The following PTPRQ variants were observed in gnomAD, a reference collection of about 807,000 sequenced individuals.
The protein encoded by PTPRQ is protein tyrosine phosphatase receptor type Q.
PTPRQ carries 199 observed loss-of-function variants against 246.0 expected under a neutral mutation model. The ratio of observed to expected loss-of-function variants is 0.81; its 90% CI spans 0.72 to 0.91. The LOEUF (loss-of-function observed/expected upper bound fraction) is 0.91, where lower values mean the gene tolerates loss of function less well. Ranked by LOEUF, PTPRQ falls within the 40% of genes least tolerant of loss-of-function variation. The probability of loss-of-function intolerance (pLI) is 0.00; values close to 1 mark genes in which losing one functional copy is unlikely to be tolerated. For missense variants in PTPRQ, 2,624 were observed against 2,528.4 expected, an observed-to-expected ratio of 1.04 and a Z score of -0.81; for synonymous variants, 869 against 853.2, an observed-to-expected ratio of 1.02 and a Z score of -0.32.
At chr12:80,495,921 C>T (rs1395455677) in intron 12 of PTPRQ, 78 bp from the exon 13 acceptor site, 3 of 1,454,064 alleles carry the variant, frequency 2.1e-6, no homozygotes, top group Non-Finnish European at 2.8e-6. Flanking sequence ...ATTCTTCTTA[C>T]TGGCCTTATA....
intron 25 of PTPRQ, among the ~76,000 whole-genome samples, chr12:80,579,060 A>G (rs1447180757): frequency 6.6e-6 from 1 of 151,788 alleles, no homozygotes; most frequent in African/African-American, 2.4e-5. Flanking sequence ...ATTTCTTTAC[A>G]TTTTTCTTTA....
chr12:80,459,511 CT>C (rs1231983136), intron 5 of PTPRQ, 28 bp downstream of exon 5: 1 of 386,468 alleles, frequency 2.6e-6, no homozygotes, highest in Non-Finnish European at 4.5e-6. Context: ...CTTTCTATGT[CT>C]TGAAAAATCT....
chr12:80,507,257 T>A (rs1894992136), intron 16 of PTPRQ, among the ~76,000 whole-genome samples: 1 of 151,974 alleles, frequency 6.6e-6, no homozygotes, highest in Admixed American at 6.6e-5. Flanking sequence ...CCTTACCAAG[T>A]TAGACATATA....
chr12:80,444,350 A>AT lies in PTPRQ; in HGVS notation c.9dup (p.Leu4SerfsTer17). On this transcript the variant is annotated frameshift_variant, in exon 1 of 45. Transcript: ENST00000644991. LOFTEE classifies it high-confidence loss of function. Reference sequence around the variant, plus strand: ...TGGCTGAAAAATGTAATAAAGATGGATTTTCTTATCATTTTTCTTTTACTT... The same window carrying AT: ...TGGCTGAAAAATGTAATAAAGATGGATTTTTCTTATCATTTTTCTTTTACTT... 6.9e-7 allele frequency: 1 copy of AT among 1,447,662 alleles called. No homozygotes were observed. The highest frequency in any genetic ancestry group is 1.4e-5 in the African/African-American group (1 of 69,452). 89.7% of individuals were successfully genotyped at this position (1,447,662 alleles called of 1,614,324 possible). A position where few individuals can be genotyped will look rare whatever the true frequency, so the allele number is the denominator to read the frequency against.
At chr12:80,663,031 T>C (rs539870357) in intron 39 of PTPRQ, among the ~76,000 whole-genome samples, 2 of 151,968 alleles carry the variant, frequency 1.3e-5, no homozygotes, top group South Asian at 4.1e-4. Context: ...TTTTCTGAAA[T>C]AAATTAGCCA....
intron 27 of PTPRQ, among the ~76,000 whole-genome samples, chr12:80,609,105 T>G (rs1898447595): frequency 6.6e-6 from 1 of 150,610 alleles, no homozygotes; most frequent in East Asian, 1.9e-4. Flanking sequence ...TATGCAACGA[T>G]AGTATTATTT....
chr12:80,591,832 C>G (rs952077453), intron 26 of PTPRQ, among the ~76,000 whole-genome samples: 9 of 152,176 alleles, frequency 5.9e-5, no homozygotes, highest in Non-Finnish European at 1.2e-4. Flanking sequence ...AGTTCCTATT[C>G]TGAGTATCTC....
chr12:80,444,702 A>G (rs1219834307), intron 1 of PTPRQ, 39 bp from the exon 2 acceptor site: 4 of 1,459,660 alleles, frequency 2.7e-6, no homozygotes, highest in Non-Finnish European at 3.7e-6. Flanking sequence ...TGCTTTCCAG[A>G]AAGAATTTTA....
chr12:80,589,608 G>A (rs921436666), intron 26 of PTPRQ, among the ~76,000 whole-genome samples: 1 of 152,144 alleles, frequency 6.6e-6, no homozygotes, highest in African/African-American at 2.4e-5. Context: ...CACCAATTGT[G>A]TCTCCTGTTA....
chr12:80,577,772 T>A (rs557147266), intron 25 of PTPRQ, among the ~76,000 whole-genome samples: 70 of 152,282 alleles, frequency 4.6e-4, no homozygotes, highest in African/African-American at 1.6e-3. Context: ...AATATCTTAC[T>A]CCTATTTCAT....
intron 6 of PTPRQ, among the ~76,000 whole-genome samples, chr12:80,462,231 G>T (rs1428806277): frequency 6.6e-6 from 1 of 152,166 alleles, no homozygotes; most frequent in Non-Finnish European, 1.5e-5. Context: ...ATGGCTCAGG[G>T]GGTCCTACCC....
chr12:80,461,416 T>G (rs908503911), intron 6 of PTPRQ, among the ~76,000 whole-genome samples: 1 of 152,150 alleles, frequency 6.6e-6, no homozygotes, highest in Non-Finnish European at 1.5e-5. Flanking sequence ...AGGGTGCCAG[T>G]GTTAAAATTA....
intron 27 of PTPRQ, among the ~76,000 whole-genome samples, chr12:80,608,347 T>C (rs1898408641): frequency 2.7e-5 from 4 of 150,670 alleles, no homozygotes; most frequent in Admixed American, 6.6e-5. Context: ...AGTGGACAAG[T>C]AATAGCTAAC....
intron 17 of PTPRQ, 62 bp from the exon 18 acceptor site, chr12:80,533,953 G>T (rs1895914156): frequency 1.6e-6 from 2 of 1,258,128 alleles, no homozygotes; most frequent in East Asian, 3.0e-5. Flanking sequence ...ATGTTAGTGT[G>T]CTCAAAAAGT....
intron 39 of PTPRQ, among the ~76,000 whole-genome samples, chr12:80,660,223 A>T (rs540563607): frequency 6.6e-6 from 1 of 152,158 alleles, no homozygotes; most frequent in African/African-American, 2.4e-5. Context: ...CAAAATAACT[A>T]GTGTTCAGAT....
chr12:80,627,278 A>G (rs1451335230), intron 33 of PTPRQ, among the ~76,000 whole-genome samples: 1 of 151,194 alleles, frequency 6.6e-6, no homozygotes, highest in Non-Finnish European at 1.5e-5. Flanking sequence ...ACCCTAGGTG[A>G]CTAGCACTGG....
intron 25 of PTPRQ, among the ~76,000 whole-genome samples, chr12:80,574,641 T>G (rs1897236258): frequency 2.0e-5 from 3 of 152,218 alleles, no homozygotes; most frequent in Admixed American, 2.0e-4. Context: ...TATATCTACT[T>G]AATTTATGTA....
At chr12:80,600,511 G>T (rs192668062) in intron 26 of PTPRQ, among the ~76,000 whole-genome samples, 2 of 151,802 alleles carry the variant, frequency 1.3e-5, no homozygotes, top group East Asian at 3.9e-4. Context: ...CCAGATACAA[G>T]CTACCGCAGA....
chr12:80,591,647 T>C (rs1045152626), intron 26 of PTPRQ, among the ~76,000 whole-genome samples: 10 of 152,226 alleles, frequency 6.6e-5, no homozygotes, highest in African/African-American at 2.4e-4. Context: ...ATGGTTATTT[T>C]GAACCTGCTG....
Sources: gnomAD v4.1 joint callset for allele counts (sites outside exome capture counted in the v4.1 genomes callset) on GRCh38, gnomAD v4.1.1 for gene constraint, MANE v1.5 for transcripts, NCBI Gene and HGNC (gene_info 2026-07-23, HGNC 2026-07-21) for gene names.